The following GREM2 variants were observed in gnomAD, a reference collection of about 807,000 sequenced individuals.
GREM2 encodes gremlin 2, DAN family BMP antagonist.
A neutral mutation model predicts 14.2 loss-of-function variants in GREM2; 11 were observed. The ratio of observed to expected loss-of-function variants is 0.78; its 90% CI spans 0.49 to 1.28. GREM2 has a LOEUF of 1.28. Among genes scored for constraint, GREM2 ranks in the 50% most tolerant of loss-of-function variants. The pLI is 0.00. For missense variants in GREM2, 210 were observed against 218.5 expected (o/e 0.96, Z 0.24); for synonymous variants, 98 against 97.6 (o/e 1.00, Z -0.02).
chr1:240,553,250 C>A (rs1678891662), intron 1 of GREM2, among the ~76,000 whole-genome samples: 1 of 152,190 alleles, frequency 6.6e-6, no homozygotes, highest in African/African-American at 2.4e-5. Flanking sequence ...CCAGCCTTAT[C>A]ATTCTATTGC....
chr1:240,578,348 A>T (rs765372049), intron 1 of GREM2, among the ~76,000 whole-genome samples: 1 of 151,020 alleles, frequency 6.6e-6, no homozygotes, highest in African/African-American at 2.4e-5. Context: ...CTGGTCTTGA[A>T]CTCCTGACCT....
chr1:240,556,883 T>C (rs1162154724), intron 1 of GREM2, among the ~76,000 whole-genome samples: 1 of 152,044 alleles, frequency 6.6e-6, no homozygotes, highest in African/African-American at 2.4e-5. Context: ...AAAAGAATCA[T>C]GGGATGTCTG....
intron 1 of GREM2, among the ~76,000 whole-genome samples, chr1:240,563,857 G>C (rs988480793): frequency 1.3e-5 from 2 of 152,126 alleles, no homozygotes; most frequent in African/African-American, 4.8e-5. Context: ...AACTTTCTCT[G>C]TTTAGGGATG....
At chr1:240,562,986 G>A (rs1374560549) in intron 1 of GREM2, among the ~76,000 whole-genome samples, 2 of 144,608 alleles carry the variant, frequency 1.4e-5, no homozygotes, top group Admixed American at 6.7e-5. Context: ...GTATATGTAA[G>A]TGTGTATGTG....
intron 1 of GREM2, among the ~76,000 whole-genome samples, chr1:240,535,850 C>T (rs2103320146): frequency 6.6e-6 from 1 of 150,948 alleles, no homozygotes; most frequent in African/African-American, 2.4e-5. Context: ...TACCAGATAC[C>T]CTGAGTAAAA....
chr1:240,504,811 G>A (rs1014667663), intron 1 of GREM2, among the ~76,000 whole-genome samples: 9 of 151,928 alleles, frequency 5.9e-5, no homozygotes, highest in South Asian at 2.1e-4. Flanking sequence ...TTTTTTTCAC[G>A]TCTAAGTTTG....
chr1:240,520,912 CA>C (rs200953017), intron 1 of GREM2, among the ~76,000 whole-genome samples: 9,873 of 88,966 alleles, frequency 0.11, 348 homozygotes, highest in Middle Eastern at 0.19. Context: ...TCTTCATGGG[CA>C]AAAAAAAAAA....
chr1:240,529,584 A>T lies in GREM2; in HGVS notation c.-1-36108T>A, dbSNP rs969363027. On this transcript the variant is annotated intron_variant, in intron 1 of 1. Transcript: ENST00000318160. Reference sequence around the variant, plus strand: ...AAGTAAAGAGATATGTCAGATGAATAAAAAAAAAGAACAGAAACAACTTAA... The same window carrying T: ...AAGTAAAGAGATATGTCAGATGAATTAAAAAAAAGAACAGAAACAACTTAA... Among the ~76,000 whole-genome samples the T allele has an allele frequency of 4.6e-5, 7 of 151,102 alleles. No homozygotes were observed. The East Asian group carries it at 5.8e-4, about 13-fold the overall frequency.
chr1:240,504,302 T>A (rs542700782), intron 1 of GREM2, among the ~76,000 whole-genome samples: 1 of 152,348 alleles, frequency 6.6e-6, no homozygotes, highest in African/African-American at 2.4e-5. Flanking sequence ...TATTCTTTGT[T>A]ATTTCTCATC....
intron 1 of GREM2, among the ~76,000 whole-genome samples, chr1:240,608,567 T>A (rs1251396792): frequency 1.3e-5 from 2 of 152,226 alleles, no homozygotes; most frequent in Admixed American, 1.3e-4. Flanking sequence ...GAATAATATT[T>A]TTAATGCAGA....
chr1:240,525,856 G>A (rs990909519), intron 1 of GREM2, among the ~76,000 whole-genome samples: 2 of 152,192 alleles, frequency 1.3e-5, no homozygotes, highest in Non-Finnish European at 2.9e-5. Flanking sequence ...GATGTCAACA[G>A]GGATGTGTTT....
intron 1 of GREM2, among the ~76,000 whole-genome samples, chr1:240,564,331 A>G (rs568749144): frequency 6.6e-6 from 1 of 151,942 alleles, no homozygotes; most frequent in Non-Finnish European, 1.5e-5. Flanking sequence ...CATGGCTGAA[A>G]CCCCATCTCT....
chr1:240,518,154 T>C (rs1677991096), intron 1 of GREM2, among the ~76,000 whole-genome samples: 1 of 152,168 alleles, frequency 6.6e-6, no homozygotes, highest in Non-Finnish European at 1.5e-5. Context: ...ATTTCCACAG[T>C]AAGAGCAAAA....
At chr1:240,592,121 A>G (rs1679727151) in intron 1 of GREM2, among the ~76,000 whole-genome samples, 1 of 152,236 alleles carries the variant, frequency 6.6e-6, no homozygotes, top group Non-Finnish European at 1.5e-5. Flanking sequence ...ATTTAACAAA[A>G]GAGTCAATGT....
intron 1 of GREM2, among the ~76,000 whole-genome samples, chr1:240,582,069 A>C (rs191996823): frequency 2.0e-5 from 3 of 152,250 alleles, no homozygotes; most frequent in African/African-American, 7.2e-5. Context: ...GTGACTTTCC[A>C]ACAAGTGTTC....
chr1:240,496,425 A>C (rs889387975), intron 1 of GREM2, among the ~76,000 whole-genome samples: 8 of 152,078 alleles, frequency 5.3e-5, no homozygotes, highest in African/African-American at 1.9e-4. Context: ...CCAAATGTCT[A>C]CTTGGCCTTC....
intron 1 of GREM2, among the ~76,000 whole-genome samples, chr1:240,511,516 C>T (rs1414893207): frequency 1.3e-5 from 2 of 152,084 alleles, no homozygotes; most frequent in African/African-American, 2.4e-5. Context: ...TTTGGGAAGC[C>T]GAGGCGGGCG....
chr1:240,549,760 A>C (rs1382483375), intron 1 of GREM2: 3 of 152,320 alleles, frequency 2.0e-5, no homozygotes, highest in East Asian at 3.9e-4. Flanking sequence ...CAAGGCAGAA[A>C]GGGGAAGGTA....
chr1:240,534,428 G>A (rs373142773), intron 1 of GREM2, among the ~76,000 whole-genome samples: 18 of 152,196 alleles, frequency 1.2e-4, no homozygotes, highest in Middle Eastern at 6.8e-3. Flanking sequence ...AGTGGCTCAC[G>A]CCTGTAATCC....
Sources: gnomAD v4.1 joint callset for allele counts (sites outside exome capture counted in the v4.1 genomes callset) on GRCh38, gnomAD v4.1.1 for gene constraint, MANE v1.5 for transcripts, NCBI Gene and HGNC (gene_info 2026-07-23, HGNC 2026-07-21) for gene names.